Variants in PAPPA2 observed in about 807,000 individuals in gnomAD.
PAPPA2 encodes pappalysin 2, also known as pappalysin-2.
In PAPPA2, 86 loss-of-function variants were observed where a neutral mutation model predicts 176.4. That is an observed-to-expected ratio of 0.49 (90% confidence interval 0.41 to 0.58). The LOEUF (loss-of-function observed/expected upper bound fraction) is 0.58. PAPPA2 is among the 20% of genes least tolerant of loss of function. The pLI is 0.00. For missense variants in PAPPA2, 2,073 were observed against 2,256.9 expected (o/e 0.92, Z 1.65); for synonymous variants, 809 against 852.2 (o/e 0.95, Z 0.88).
chr1:176,784,879 C>T (rs959849985), intron 17 of PAPPA2, among the ~76,000 whole-genome samples: 1 of 152,172 alleles, frequency 6.6e-6, no homozygotes, highest in Non-Finnish European at 1.5e-5. Flanking sequence ...AGCCACCGCG[C>T]CCGGCCAGAT....
intron 2 of PAPPA2, among the ~76,000 whole-genome samples, chr1:176,587,999 G>A (rs1388495691): frequency 6.6e-6 from 1 of 152,064 alleles, no homozygotes; most frequent in Non-Finnish European, 1.5e-5. Flanking sequence ...CATTACTTTG[G>A]GCCGTATGGC....
intron 12 of PAPPA2, among the ~76,000 whole-genome samples, chr1:176,723,386 T>C (rs1661714532): frequency 6.6e-6 from 1 of 152,164 alleles, no homozygotes; most frequent in Non-Finnish European, 1.5e-5. Flanking sequence ...AAAGTTCAGT[T>C]AATATATAAG....
At chr1:176,712,591 T>C (rs1179589575) in intron 12 of PAPPA2, among the ~76,000 whole-genome samples, 1 of 152,246 alleles carries the variant, frequency 6.6e-6, no homozygotes, top group Non-Finnish European at 1.5e-5. Context: ...ATTCTAATAT[T>C]GATGAATATT....
At chr1:176,808,359 G>T (rs1269274028) in intron 21 of PAPPA2, among the ~76,000 whole-genome samples, 1 of 152,068 alleles carries the variant, frequency 6.6e-6, no homozygotes, top group Non-Finnish European at 1.5e-5. Flanking sequence ...TTCATATGCT[G>T]GCAAATAGTT....
rs200053101 is a variant in PAPPA2, at chr1:176,695,800, C to G, written c.2687C>G (p.Thr896Arg). Residue 896 changes from threonine (T) to arginine (R), a missense_variant, in exon 7 of 23, where the codon ACA becomes AGA. By Grantham distance (71) the Thr-to-Arg change is moderately conservative (BLOSUM62 -1). Around this residue, in one of 4 missense-constraint regions of PAPPA2, gnomAD observed 1,196 missense variants for 1,330.4 expected, o/e 0.90. Coordinates refer to ENST00000367662, the MANE Select transcript of PAPPA2 (RefSeq NM_020318.3). ...EDGTFRQYVH[T>R]ASSRRVCDSS... ...GGGACCTTTCGTCAGTATGTGCACA[C>G]AGCTTCCTCCCGGCGGGTGTGTGAC... 113 of 1,614,018 alleles carry G rather than the reference C, an allele frequency of 7.0e-5. No individual in the cohort carries two copies. Among genetic ancestry groups the G allele is most frequent in the Non-Finnish European group, 8.9e-5 (105 of 1,180,032 alleles).
intron 14 of PAPPA2, among the ~76,000 whole-genome samples, chr1:176,744,167 AT>A (rs1662804673): frequency 6.6e-6 from 1 of 152,066 alleles, no homozygotes; most frequent in African/African-American, 2.4e-5. Flanking sequence ...TGAGCCTTTT[AT>A]CTTTATTAGG....
At chr1:176,616,585 G>T in intron 3 of PAPPA2, 1 of 1,543,370 alleles carries the variant, frequency 6.5e-7, no homozygotes, top group Non-Finnish European at 8.9e-7. Flanking sequence ...TCACCAAAAG[G>T]CCAATTGAGA....
rs960011049 is a variant in PAPPA2 at position 176,526,008 on chromosome 1, C to A, written c.-916-29399C>A. Among the ~76,000 whole-genome samples the A allele has an allele frequency of 3.3e-5, 5 of 152,146 alleles. No individual in the cohort carries two copies. In the East Asian group the frequency reaches 7.7e-4, roughly 23 times the overall value. ...TGCTTATGGAGGTTATAAAAGCTGC[C>A]CAGTGACCTGAAGCTCTTGAGGCCA... On this transcript the variant is annotated intron_variant, in intron 1 of 22. Coordinates refer to ENST00000367662, the MANE Select transcript of PAPPA2 (RefSeq NM_020318.3).
At chr1:176,841,362 C>T (rs1422213402) in intron 22 of PAPPA2, among the ~76,000 whole-genome samples, 6 of 152,050 alleles carry the variant, frequency 3.9e-5, no homozygotes, top group African/African-American at 7.2e-5. Context: ...AGGCACTTCA[C>T]CCCTCTGTTG....
chr1:176,502,884 G>T (rs187442709), intron 1 of PAPPA2, among the ~76,000 whole-genome samples: 6 of 152,244 alleles, frequency 3.9e-5, no homozygotes, highest in Admixed American at 6.5e-5. Flanking sequence ...TTTTCTTCCA[G>T]TTAATAAAAC....
At chr1:176,546,413 G>C (rs918818435) in intron 1 of PAPPA2, among the ~76,000 whole-genome samples, 3 of 152,162 alleles carry the variant, frequency 2.0e-5, no homozygotes, top group Non-Finnish European at 2.9e-5. Flanking sequence ...CTGGATAAGA[G>C]AGTAGTTCTA....
chr1:176,486,129 C>T lies in PAPPA2; in HGVS notation c.-917+22711C>T, dbSNP rs116392682. On this transcript the variant is annotated intron_variant, in intron 1 of 22. Transcript: ENST00000367662. Reference sequence around the variant, plus strand: ...CTTCTTCCTTGTACCGTGAGGTACCCTCCTCAAAGGGAAATTTATGCCCTG... The same window carrying T: ...CTTCTTCCTTGTACCGTGAGGTACCTTCCTCAAAGGGAAATTTATGCCCTG... 9.1e-3 allele frequency among the ~76,000 whole-genome samples: 1,379 copies of T among 152,256 alleles called. 16 individuals are homozygous for T. Among genetic ancestry groups the T allele is most frequent in the Middle Eastern group, 0.017 (5 of 294 alleles).
rs575913998 is a variant in PAPPA2 at position 176,692,129 on chromosome 1, A to T, written c.2435A>T (p.Asp812Val). 1.4e-5 allele frequency: 23 copies of T among 1,611,290 alleles called. No homozygotes were observed. Among genetic ancestry groups the T allele is most frequent in the Non-Finnish European group, 1.9e-5 (22 of 1,178,018 alleles). ...GCCACCTTTTTTGTCTCCACAGATG[A>T]TAACTGCACTGACAACTTCACTCCT... ...PFTNYMSYTD[D>V]NCTDNFTPNQ... Residue 812 changes from aspartate (D) to valine (V), a missense_variant, in exon 6 of 23, where the codon GAT becomes GTT. By Grantham distance (152) the Asp-to-Val change is radical (BLOSUM62 -3). Transcript: ENST00000367662.
intron 14 of PAPPA2, among the ~76,000 whole-genome samples, chr1:176,760,333 T>A (rs1201870799): frequency 6.6e-6 from 1 of 152,242 alleles, no homozygotes; most frequent in Non-Finnish European, 1.5e-5. Context: ...AACATAATGA[T>A]GAAGCAGTGG....
intron 4 of PAPPA2, among the ~76,000 whole-genome samples, chr1:176,683,325 C>T (rs1043439677): frequency 2.6e-5 from 4 of 152,098 alleles, no homozygotes; most frequent in Admixed American, 2.6e-4. Flanking sequence ...ATGTGTTCTC[C>T]TGCTGCCAGT....
At position 176,594,658 on chromosome 1, in the gene PAPPA2, A is replaced by G; in HGVS notation, c.1054A>G (p.Ile352Val). The G allele has an allele frequency of 1.2e-6, 2 of 1,614,182 alleles. No individual in the cohort carries two copies. Among genetic ancestry groups the G allele is most frequent in the Non-Finnish European group, 1.7e-6 (2 of 1,180,040 alleles). ...CACCGACCGCGTGAAGAAAGCCACCATCTTGATTAGCCACAGTCGCTACCA... is the reference window on the plus strand; with the variant it reads ...CACCGACCGCGTGAAGAAAGCCACCGTCTTGATTAGCCACAGTCGCTACCA... ...LCTDRVKKAT[I>V]LISHSRYQPG... The change falls in exon 3 of 23, where the codon ATC becomes GTC. Residue 352 changes from isoleucine (I) to valine (V), a missense_variant. Physicochemically the swap from Ile to Val is conservative, Grantham distance 29. Around this residue, in one of 4 missense-constraint regions of PAPPA2, gnomAD observed 1,196 missense variants for 1,330.4 expected, o/e 0.90. Coordinates refer to ENST00000367662, the MANE Select transcript of PAPPA2 (RefSeq NM_020318.3).
chr1:176,648,012 ATCTG>A (rs1215876014), intron 3 of PAPPA2, among the ~76,000 whole-genome samples: 2 of 151,572 alleles, frequency 1.3e-5, no homozygotes, highest in African/African-American at 4.8e-5. Flanking sequence ...ATTGCATTGA[ATCTG>A]TCTATTGCTT....
chr1:176,783,608 A>C (rs1205067620), intron 17 of PAPPA2, among the ~76,000 whole-genome samples: 1 of 152,216 alleles, frequency 6.6e-6, no homozygotes, highest in African/African-American at 2.4e-5. Flanking sequence ...TGGAGAAGTT[A>C]GAGGGAAAAT....
chr1:176,731,652 CAT>C (rs1200897372), intron 12 of PAPPA2, among the ~76,000 whole-genome samples: 1 of 151,624 alleles, frequency 6.6e-6, no homozygotes, highest in Non-Finnish European at 1.5e-5. Flanking sequence ...TGTATATATA[CAT>C]ATGTGTGTGT....
Sources: allele counts gnomAD v4.1 joint callset (sites outside exome capture counted in the v4.1 genomes callset), GRCh38; gene constraint gnomAD v4.1.1; regional missense constraint gnomAD v4.1.1; transcripts MANE v1.5; gene names NCBI Gene and HGNC (gene_info 2026-07-23, HGNC 2026-07-21).